LSM5: variants seen among roughly 807,000 people sequenced by gnomAD.
The protein encoded by LSM5 is U6 snRNA-associated Sm-like protein LSm5.
LSM5 carries 8 observed loss-of-function variants against 13.8 expected under a neutral mutation model. The observed-to-expected ratio is 0.58, with a 90% confidence interval of 0.34 to 1.04. The LOEUF (loss-of-function observed/expected upper bound fraction) is 1.04, where lower values mean the gene tolerates loss of function less well. Among genes scored for constraint, LSM5 ranks in the 50% least tolerant of loss-of-function variants. The pLI is 0.03. For synonymous variants in LSM5, 35 were observed against 37.0 expected, an observed-to-expected ratio of 0.95 and a Z score of 0.20; for missense variants, 80 against 108.1, an observed-to-expected ratio of 0.74 and a Z score of 1.15.
At chr7:32,490,453 G>T, upstream of LSM5, 3 of 1,128,464 alleles carry the variant, frequency 2.7e-6, no homozygotes, top group Admixed American at 1.7e-5. Flanking sequence ...AAACAGGCTC[G>T]ACCAATCTGA....
At chr7:32,494,157 G>A (rs1264979738), upstream of LSM5, among the ~76,000 whole-genome samples, 3 of 152,330 alleles carry the variant, frequency 2.0e-5, no homozygotes, top group East Asian at 5.8e-4. Context: ...TTTAAAAGGT[G>A]TTCAATTAGA....
chr7:32,489,614 AGAG>A (rs998842716), intron 1 of LSM5: 3 of 381,638 alleles, frequency 7.9e-6, no homozygotes, highest in African/African-American at 4.3e-5. Flanking sequence ...CAAAAATATA[AGAG>A]GAGATAGGTA....
At position 32,488,000 on chromosome 7, in the gene LSM5, A is replaced by C. The variant is rs1786488051; in HGVS notation, c.171-243T>G. On this transcript the variant is annotated intron_variant, in intron 3 of 4. Coordinates refer to ENST00000450169, the MANE Select transcript of LSM5 (RefSeq NM_012322.3). ...TATCAGACAGAGCTTCATAAAAAGAAGTGAAAGCTTGCCCAGGAAATCAAA... is the reference window on the plus strand; with the variant it reads ...TATCAGACAGAGCTTCATAAAAAGACGTGAAAGCTTGCCCAGGAAATCAAA... The C allele has an allele frequency of 9.3e-5, 40 of 430,748 alleles. No individual in the cohort carries two copies. In the South Asian group the frequency reaches 1.1e-3, roughly 12 times the overall value. 26.7% of individuals were successfully genotyped at this position (430,748 alleles called of 1,614,324 possible).
At chr7:32,490,008 A>G in intron 1 of LSM5, 3 of 1,320,614 alleles carry the variant, frequency 2.3e-6, no homozygotes, top group Non-Finnish European at 9.8e-7. Flanking sequence ...CGCCAGGCTG[A>G]GAAGTAGGCC....
intron 3 of LSM5, chr7:32,488,048 G>GTTTTT: frequency 7.6e-6 from 2 of 264,420 alleles, no homozygotes; most frequent in South Asian, 3.9e-5. Context: ...TGTTTTTTGG[G>GTTTTT]TTTTTTTTTT....
At position 32,486,437 on chromosome 7, in the gene LSM5, C is replaced by T. The variant is rs1379028548; in HGVS notation, c.*824G>A. The T allele has an allele frequency of 6.6e-6, 1 of 152,174 alleles. No homozygotes were observed. Among genetic ancestry groups the T allele is most frequent in the Non-Finnish European group, 1.5e-5 (1 of 68,026 alleles). The allele number at this position is 152,174 out of a possible 1,614,324, so 9.4% of individuals were successfully genotyped here. On this transcript the variant is annotated 3_prime_UTR_variant, in exon 5 of 5. Coordinates refer to ENST00000450169, the MANE Select transcript of LSM5 (RefSeq NM_012322.3). ...AGCATGATCAACCTTCTCCTTTTTG[C>T]TTACCTACAATTCTACGATGTGCAT...
upstream of LSM5, among the ~76,000 whole-genome samples, chr7:32,492,270 A>G (rs1786611941): frequency 6.6e-6 from 1 of 152,234 alleles, no homozygotes; most frequent in Non-Finnish European, 1.5e-5. Flanking sequence ...TCACGCCTAT[A>G]ATCCCAACAC....
At chr7:32,492,628 G>A (rs1786619951), upstream of LSM5, among the ~76,000 whole-genome samples, 1 of 152,106 alleles carries the variant, frequency 6.6e-6, no homozygotes. Flanking sequence ...ACGATATATA[G>A]TTCACTTACA....
chr7:32,488,888 C>T (rs964342873), intron 2 of LSM5, among the ~76,000 whole-genome samples: 6 of 152,102 alleles, frequency 3.9e-5, no homozygotes, highest in African/African-American at 1.4e-4. Context: ...CCATGCCCAG[C>T]TAATTTTTGT....
chr7:32,490,066 C>A, intron 1 of LSM5: 1 of 1,466,176 alleles, frequency 6.8e-7, no homozygotes, highest in Non-Finnish European at 9.1e-7. Flanking sequence ...AGTAGGCCGA[C>A]GACGCGTTCA....
At chr7:32,487,425 C>G (rs1374158573) in intron 4 of LSM5, 132 bp from the exon 5 acceptor site, 14 of 732,628 alleles carry the variant, frequency 1.9e-5, no homozygotes, top group Non-Finnish European at 3.3e-5. Flanking sequence ...TTGTCAGTAT[C>G]TATTTACAAT....
intron 1 of LSM5, chr7:32,489,562 A>T: frequency 2.1e-6 from 1 of 482,988 alleles, no homozygotes; most frequent in South Asian, 2.5e-5. Flanking sequence ...AAACTTTTCA[A>T]TCACGGCCAC....
rs1434018547 is a variant in LSM5 at position 32,487,311 on chromosome 7, A to G, written c.244-18T>C. 2.5e-6 allele frequency: 4 copies of G among 1,611,182 alleles called. No homozygotes were observed. Among genetic ancestry groups the G allele is most frequent in the Non-Finnish European group, 3.4e-6 (4 of 1,177,690 alleles). On this transcript the variant is annotated intron_variant, in intron 4 of 4. Coordinates refer to ENST00000450169, the MANE Select transcript of LSM5 (RefSeq NM_012322.3). The stretch of plus-strand genomic sequence containing the variant: ...GGAACCAGCTGCATAAAGAGGAAAA[A>G]GAGTTTATTAATAACACTACCACCA...
chr7:32,493,733 G>T (rs1398670402), upstream of LSM5, among the ~76,000 whole-genome samples: 2 of 151,716 alleles, frequency 1.3e-5, no homozygotes, highest in African/African-American at 4.8e-5. Context: ...CAGAGATGGG[G>T]TTTCACCATG....
Position 32,486,765 on chromosome 7 carries a change from T to C in LSM5, c.*496A>G, listed in dbSNP as rs1347305922. The C allele has an allele frequency of 5.8e-6, 1 of 173,382 alleles. No individual in the cohort carries two copies. Among genetic ancestry groups the C allele is most frequent in the African/African-American group, 2.4e-5 (1 of 41,570 alleles). The allele number at this position is 173,382 out of a possible 1,614,324, so 10.7% of individuals were successfully genotyped here. The stretch of plus-strand genomic sequence containing the variant: ...TTACCTGTACATTGTTTGTTTTCAA[T>C]AGGAGTTCATGGAATTTGAAATCAG... On this transcript the variant is annotated 3_prime_UTR_variant, in exon 5 of 5. Coordinates refer to ENST00000450169, the MANE Select transcript of LSM5 (RefSeq NM_012322.3).
At chr7:32,489,466 T>C in intron 1 of LSM5, 122 bp from the exon 2 acceptor site, 2 of 653,348 alleles carry the variant, frequency 3.1e-6, no homozygotes, top group Non-Finnish European at 5.5e-6. Context: ...TCAATAACTT[T>C]AGGTCTTATA....
chr7:32,490,075 C>A, intron 1 of LSM5: 1 of 1,487,974 alleles, frequency 6.7e-7, no homozygotes, highest in South Asian at 1.2e-5. Flanking sequence ...ACGACGCGTT[C>A]ACTAAATGTG....
At chr7:32,492,275 C>G (rs1199971387), upstream of LSM5, among the ~76,000 whole-genome samples, 1 of 152,116 alleles carries the variant, frequency 6.6e-6, no homozygotes, top group Non-Finnish European at 1.5e-5. Context: ...CCTATAATCC[C>G]AACACTTTGG....
upstream of LSM5, among the ~76,000 whole-genome samples, chr7:32,494,049 G>A (rs1786665406): frequency 6.6e-6 from 1 of 151,832 alleles, no homozygotes; most frequent in African/African-American, 2.4e-5. Context: ...TGGCCAGGCT[G>A]GTCTAGAACT....
Sources: gnomAD v4.1 joint callset for allele counts (sites outside exome capture counted in the v4.1 genomes callset) on GRCh38, gnomAD v4.1.1 for gene constraint, MANE v1.5 for transcripts, NCBI Gene and HGNC (gene_info 2026-07-23, HGNC 2026-07-21) for gene names.